TPPP: variants seen among roughly 807,000 people sequenced by gnomAD.
TPPP encodes tubulin polymerization promoting protein, also known as tubulin polymerization-promoting protein.
Under a neutral mutation model 15.5 loss-of-function variants are expected in TPPP, and 6 were observed. That is an observed-to-expected ratio of 0.39 (90% CI 0.21 to 0.77). The LOEUF is 0.77. Ranked by LOEUF, TPPP falls within the 30% of genes least tolerant of loss-of-function variation. TPPP has a pLI of 0.42. For missense variants in TPPP, 269 were observed against 307.2 expected, an observed-to-expected ratio of 0.88 and a Z score of 0.93; for synonymous variants, 146 against 133.9, an observed-to-expected ratio of 1.09 and a Z score of -0.63.
chr5:699,496 G>T, the TPPP span, among the ~76,000 whole-genome samples: 30 of 152,030 alleles, frequency 2.0e-4, no homozygotes, highest in Non-Finnish European at 3.7e-4. Context: ...CTAAACATAG[G>T]ACCAAACACT....
intron 2 of TPPP, among the ~76,000 whole-genome samples, chr5:669,640 C>T (rs1740123667): frequency 6.6e-6 from 1 of 152,192 alleles, no homozygotes; most frequent in Non-Finnish European, 1.5e-5. Flanking sequence ...CAGGCACCAC[C>T]AGCATGAGTC....
At chr5:675,757 C>T (rs1740410365) in intron 2 of TPPP, 1 of 152,820 alleles carries the variant, frequency 6.5e-6, no homozygotes, top group Non-Finnish European at 1.5e-5. Flanking sequence ...GATGAGTGGT[C>T]CTGGGTTAGT....
chr5:677,031 CACG>C (rs1236652104), intron 2 of TPPP, among the ~76,000 whole-genome samples: 1 of 151,028 alleles, frequency 6.6e-6, no homozygotes. Context: ...CACGTGCACA[CACG>C]ACGCGGAAAC....
At chr5:688,577 G>C (rs1235547982) in intron 1 of TPPP, among the ~76,000 whole-genome samples, 2 of 152,000 alleles carry the variant, frequency 1.3e-5, no homozygotes, top group Non-Finnish European at 1.5e-5. Context: ...CAGAACGGCT[G>C]GCACTAGAAC....
At chr5:681,087 C>T (rs1486681759) in intron 1 of TPPP, among the ~76,000 whole-genome samples, 8 of 152,200 alleles carry the variant, frequency 5.3e-5, no homozygotes, top group Admixed American at 3.3e-4. Context: ...CCTGGGTGGG[C>T]GCCTCTCCCT....
At chr5:684,887 A>C (rs1052605207) in intron 1 of TPPP, among the ~76,000 whole-genome samples, 1 of 152,198 alleles carries the variant, frequency 6.6e-6, no homozygotes, top group Non-Finnish European at 1.5e-5. Flanking sequence ...GAGTCTGTGC[A>C]CATCCCCCTG....
upstream of TPPP, among the ~76,000 whole-genome samples, chr5:697,243 T>C (rs1214903515): frequency 4.0e-5 from 6 of 149,602 alleles, no homozygotes; most frequent in East Asian, 7.8e-4. Context: ...GCCTTGCGGC[T>C]TCACTGTTGC....
At chr5:670,652 C>A (rs1488759164) in intron 2 of TPPP, among the ~76,000 whole-genome samples, 1 of 152,128 alleles carries the variant, frequency 6.6e-6, no homozygotes, top group African/African-American at 2.4e-5. Context: ...CACGTCGCTC[C>A]GAGTTCTCAC....
chr5:676,451 C>A (rs532032135), intron 2 of TPPP: 2 of 152,210 alleles, frequency 1.3e-5, no homozygotes, highest in Non-Finnish European at 2.9e-5. Flanking sequence ...ATCTGACCCA[C>A]GGCCCGGCCC....
the TPPP span, among the ~76,000 whole-genome samples, chr5:700,644 C>T: frequency 0.078 from 11,879 of 151,434 alleles, 1,408 homozygotes; most frequent in African/African-American, 0.27. Context: ...TTTTATCTTA[C>T]CTGCATCCCT....
intron 2 of TPPP, among the ~76,000 whole-genome samples, chr5:674,590 AG>A (rs1217516644): frequency 6.6e-6 from 1 of 152,138 alleles, no homozygotes; most frequent in Non-Finnish European, 1.5e-5. Flanking sequence ...TCCCGGGCAC[AG>A]CCCAGGTCAC....
chr5:693,369 G>GCCCGCCCGT (rs1252152761), upstream of TPPP: 4 of 147,586 alleles, frequency 2.7e-5, no homozygotes, highest in African/African-American at 7.4e-5. Flanking sequence ...GCCGCCCCGC[G>GCCCGCCCGT]CCCGCCCGTC....
At chr5:693,940 C>T (rs1740968596), upstream of TPPP, among the ~76,000 whole-genome samples, 1 of 148,910 alleles carries the variant, frequency 6.7e-6, no homozygotes, top group Admixed American at 6.7e-5. Flanking sequence ...GGCAGCGCGG[C>T]CGGGGATCGA....
At chr5:665,946 G>A (rs1472668823) in intron 3 of TPPP, 24 bp downstream of exon 3, 12 of 206,374 alleles carry the variant, frequency 5.8e-5, no homozygotes, top group Middle Eastern at 1.4e-3. Context: ...TCCAGGCCCC[G>A]CCTTCCATCC....
rs1739695320 is a variant in TPPP, at chr5:662,842, T to A, written c.*2260A>T. ...GCTTTGGAGTTGTGATGGGCTGTTA[T>A]CGGGTGATTCCGGTGGCCACTCGTC... is the stretch of plus-strand genomic sequence containing the variant. On this transcript the variant is annotated 3_prime_UTR_variant, in exon 4 of 4. Transcript: ENST00000360578. 1.3e-5 allele frequency: 2 copies of A among 152,456 alleles called. No homozygotes were observed. The highest frequency in any genetic ancestry group is 1.3e-4 in the Admixed American group (2 of 15,290). 9.4% of individuals were successfully genotyped at this position (152,456 alleles called of 1,614,324 possible). A position where few individuals can be genotyped will look rare whatever the true frequency, so the allele number is the denominator to read the frequency against.
At chr5:676,880 A>G (rs924648229) in intron 2 of TPPP, among the ~76,000 whole-genome samples, 13 of 142,260 alleles carry the variant, frequency 9.1e-5, no homozygotes, top group African/African-American at 1.5e-4. Context: ...AGAAACATGC[A>G]CACACGACGC....
intron 1 of TPPP, among the ~76,000 whole-genome samples, chr5:680,703 G>A (rs1207260651): frequency 4.0e-5 from 6 of 151,626 alleles, no homozygotes; most frequent in African/African-American, 7.3e-5. Flanking sequence ...TCCAAAGCCC[G>A]CCTCTGCGTG....
At chr5:669,935 G>A (rs1039466321) in intron 2 of TPPP, among the ~76,000 whole-genome samples, 21 of 152,198 alleles carry the variant, frequency 1.4e-4, no homozygotes, top group African/African-American at 4.8e-4. Flanking sequence ...GGGTGCTGGA[G>A]GAGCCTCCGA....
intron 2 of TPPP, among the ~76,000 whole-genome samples, chr5:670,243 C>A (rs1221226684): frequency 6.6e-6 from 1 of 152,148 alleles, no homozygotes; most frequent in Non-Finnish European, 1.5e-5. Flanking sequence ...GCATCCAGCA[C>A]CCTTGTGAAT....
Sources: allele counts gnomAD v4.1 joint callset (sites outside exome capture counted in the v4.1 genomes callset), GRCh38; gene constraint gnomAD v4.1.1; transcripts MANE v1.5; gene names NCBI Gene and HGNC (gene_info 2026-07-23, HGNC 2026-07-21).